FAM161B: variants seen among roughly 807,000 people sequenced by gnomAD.
FAM161B encodes the protein protein FAM161B.
Under a neutral mutation model 61.5 loss-of-function variants are expected in FAM161B, and 46 were observed. That is an observed-to-expected ratio of 0.75 (90% CI 0.59 to 0.96). The LOEUF (loss-of-function observed/expected upper bound fraction) is 0.96. FAM161B is among the 40% of genes least tolerant of loss of function. FAM161B has a pLI of 0.00. For synonymous variants in FAM161B, 284 were observed against 302.7 expected (o/e 0.94, Z 0.64); for missense variants, 774 against 800.7 (o/e 0.97, Z 0.40).
intron 4 of FAM161B, 116 bp downstream of exon 4, chr14:73,942,253 G>A (rs1423129136): frequency 9.9e-7 from 1 of 1,013,294 alleles, no homozygotes; most frequent in Non-Finnish European, 1.4e-6. Flanking sequence ...CAACTGAGCT[G>A]GTGTTTAAAA....
rs1367939697 is a variant in FAM161B at position 73,932,422 on chromosome 14, A to T, written c.*1834T>A. On this transcript the variant is annotated 3_prime_UTR_variant, in exon 9 of 9. Transcript: ENST00000286544. Reference sequence around the variant, plus strand: ...AGGAGTCTTAGGAAACAACAAGAACATCTTCATTTCTTAAGCCCAGGTGAT... The same window carrying T: ...AGGAGTCTTAGGAAACAACAAGAACTTCTTCATTTCTTAAGCCCAGGTGAT... 1 of 452,868 alleles carries T rather than the reference A, an allele frequency of 2.2e-6. No homozygotes were observed. The highest frequency in any genetic ancestry group is 4.4e-6 in the Non-Finnish European group (1 of 226,118). The allele number at this position is 452,868 out of a possible 1,614,324, so 28.1% of individuals were successfully genotyped here.
chr14:73,937,592 T>A lies in FAM161B; in HGVS notation c.1665+10A>T. On this transcript the variant is annotated intron_variant, in intron 7 of 8. Transcript: ENST00000286544. ...AGGCAGAAAGAAAACAAATGATGGTTTAGTTTTACCTTGGCAACTTGTTCA... is the reference window on the plus strand; with the variant it reads ...AGGCAGAAAGAAAACAAATGATGGTATAGTTTTACCTTGGCAACTTGTTCA... 6.2e-7 allele frequency: 1 copy of A among 1,606,838 alleles called. No individual in the cohort carries two copies. Among genetic ancestry groups the A allele is most frequent in the African/African-American group, 1.3e-5 (1 of 74,676 alleles).
At chr14:73,948,440 T>C (rs1594780019) in intron 1 of FAM161B, among the ~76,000 whole-genome samples, 1 of 152,308 alleles carries the variant, frequency 6.6e-6, no homozygotes, top group South Asian at 2.1e-4. Flanking sequence ...TTATTTTTCA[T>C]TGTGGAGGAA....
At chr14:73,931,575 TCTGATCTCAAAATGCGTATA>T, downstream of FAM161B, 1 of 1,604,954 alleles carries the variant, frequency 6.2e-7, no homozygotes, top group Non-Finnish European at 8.5e-7. Flanking sequence ...AGCAACTCTA[TCTGATCTCAAAATGCGTATA>T]CTGGGAACAG....
At chr14:73,947,246 G>T (rs1022835095) in intron 1 of FAM161B, among the ~76,000 whole-genome samples, 1 of 152,018 alleles carries the variant, frequency 6.6e-6, no homozygotes, top group Non-Finnish European at 1.5e-5. Context: ...TTAGTTGGGC[G>T]TGGTGGCGGG....
At chr14:73,923,751 T>C in the FAM161B span, among the ~76,000 whole-genome samples, 1 of 152,222 alleles carries the variant, frequency 6.6e-6, no homozygotes, top group Non-Finnish European at 1.5e-5. Context: ...AGTTCTTTTA[T>C]ATACATTCCT....
downstream of FAM161B, chr14:73,932,085 C>T (rs2055924890): frequency 2.2e-6 from 1 of 453,962 alleles, no homozygotes; most frequent in African/African-American, 2.0e-5. Flanking sequence ...AAATAAATTA[C>T]TTGAATCTCC....
downstream of FAM161B, chr14:73,931,395 C>G: frequency 1.1e-6 from 1 of 922,686 alleles, no homozygotes; most frequent in Non-Finnish European, 1.7e-6. Flanking sequence ...CCTTCATTCA[C>G]CCCTGTAGTG....
chr14:73,939,294 G>A (rs1175049168), intron 5 of FAM161B, among the ~76,000 whole-genome samples: 1 of 152,002 alleles, frequency 6.6e-6, no homozygotes, highest in Non-Finnish European at 1.5e-5. Flanking sequence ...GCAAGACTCT[G>A]TCTCGAAAAA....
chr14:73,938,384 G>A (rs570281824), intron 5 of FAM161B, among the ~76,000 whole-genome samples: 9 of 152,150 alleles, frequency 5.9e-5, no homozygotes, highest in East Asian at 3.9e-4. Flanking sequence ...GCTTGAACCC[G>A]GGAGGCAGAG....
intron 5 of FAM161B, among the ~76,000 whole-genome samples, chr14:73,940,046 C>T (rs2056004688): frequency 6.6e-6 from 1 of 152,198 alleles, no homozygotes; most frequent in South Asian, 2.1e-4. Context: ...AAATACTCTT[C>T]TACAATCCCT....
chr14:73,949,360 C>G (rs142724709), intron 1 of FAM161B, among the ~76,000 whole-genome samples: 61 of 152,100 alleles, frequency 4.0e-4, no homozygotes, highest in African/African-American at 1.5e-3. Flanking sequence ...TGCTGCATTA[C>G]AGGAGTAAGC....
At chr14:73,929,423 G>A (rs372179585), downstream of FAM161B, among the ~76,000 whole-genome samples, 3 of 151,984 alleles carry the variant, frequency 2.0e-5, no homozygotes, top group African/African-American at 2.4e-5. Context: ...ACACATGTCC[G>A]TTTCACCTTT....
At chr14:73,941,355 CAG>C (rs1170965797) in intron 4 of FAM161B, among the ~76,000 whole-genome samples, 1 of 152,134 alleles carries the variant, frequency 6.6e-6, no homozygotes. Context: ...TTCCTGATCT[CAG>C]GTGATCCACC....
downstream of FAM161B, among the ~76,000 whole-genome samples, chr14:73,928,865 C>T (rs564238273): frequency 1.3e-5 from 2 of 152,250 alleles, no homozygotes; most frequent in East Asian, 3.9e-4. Flanking sequence ...GGAGGATCAA[C>T]TTGAGCCCAG....
At chr14:73,939,744 T>A (rs1443399069) in intron 5 of FAM161B, among the ~76,000 whole-genome samples, 1 of 152,236 alleles carries the variant, frequency 6.6e-6, no homozygotes, top group Non-Finnish European at 1.5e-5. Context: ...TGTTCAGTTA[T>A]CTACAAAGTA....
chr14:73,941,120 T>G, intron 4 of FAM161B, 67 bp from the exon 5 acceptor site: 1 of 1,491,246 alleles, frequency 6.7e-7, no homozygotes, highest in Non-Finnish European at 8.9e-7. Context: ...TTTTTTTTTT[T>G]TTTTTTTTTT....
intron 7 of FAM161B, 127 bp downstream of exon 7, chr14:73,937,475 T>C (rs1310271731): frequency 2.6e-6 from 2 of 757,862 alleles, no homozygotes; most frequent in Non-Finnish European, 4.4e-6. Flanking sequence ...GAAAAGAAGG[T>C]AGTAGTGAAA....
chr14:73,945,554 G>A (rs954055388), intron 2 of FAM161B, among the ~76,000 whole-genome samples: 3 of 151,624 alleles, frequency 2.0e-5, no homozygotes, highest in Admixed American at 6.6e-5. Context: ...CTCTCCTTCC[G>A]AGTAGCTGGG....
Sources: allele counts gnomAD v4.1 joint callset (sites outside exome capture counted in the v4.1 genomes callset), GRCh38; gene constraint gnomAD v4.1.1; transcripts MANE v1.5; gene names NCBI Gene and HGNC (gene_info 2026-07-23, HGNC 2026-07-21).